ZNG1B: variants seen among roughly 807,000 people sequenced by gnomAD.
ZNG1B encodes Zn regulated GTPase metalloprotein activator 1B.
At chr2:113,464,829 T>G in the ZNG1B span, among the ~76,000 whole-genome samples, 32 of 151,990 alleles carry the variant, frequency 2.1e-4, no homozygotes, top group African/African-American at 7.2e-4. Context: ...TGAATGATTT[T>G]TTCTAAAGTG....
At chr2:113,474,200 C>T in the ZNG1B span, among the ~76,000 whole-genome samples, 76 of 152,226 alleles carry the variant, frequency 5.0e-4, no homozygotes, top group African/African-American at 1.8e-3. Flanking sequence ...TCAACTTCTT[C>T]CTTGTTTAGT....
chr2:113,486,306 GA>G, the ZNG1B span, among the ~76,000 whole-genome samples: 1 of 132,986 alleles, frequency 7.5e-6, no homozygotes, highest in Non-Finnish European at 1.6e-5. Context: ...ATTGGTGTAG[GA>G]AAACATCTGG....
chr2:113,461,775 T>A, the ZNG1B span, among the ~76,000 whole-genome samples: 2 of 152,026 alleles, frequency 1.3e-5, no homozygotes, highest in East Asian at 3.9e-4. Context: ...ATAGCTTATT[T>A]TTTTTAAGAA....
At chr2:113,454,551 A>G in the ZNG1B span, among the ~76,000 whole-genome samples, 1 of 149,872 alleles carries the variant, frequency 6.7e-6, no homozygotes, top group Non-Finnish European at 1.5e-5. Flanking sequence ...CACTCAGGAA[A>G]TGCATTGACT....
the ZNG1B span, chr2:113,462,690 A>G: frequency 1.6e-6 from 1 of 630,670 alleles, no homozygotes; most frequent in South Asian, 2.1e-5. Flanking sequence ...CAGTGCTTGC[A>G]GAATATAGTT....
the ZNG1B span, chr2:113,454,792 T>G: frequency 6.4e-7 from 1 of 1,568,510 alleles, no homozygotes; most frequent in Non-Finnish European, 8.8e-7. Context: ...AGTTGAAAGA[T>G]TGCTATGAGT....
the ZNG1B span, among the ~76,000 whole-genome samples, chr2:113,475,416 A>G: frequency 2.0e-5 from 3 of 150,986 alleles, no homozygotes; most frequent in Non-Finnish European, 4.4e-5. Context: ...TGAATACAGC[A>G]CACTGATGGG....
chr2:113,454,123 A>G, the ZNG1B span, among the ~76,000 whole-genome samples: 1 of 152,130 alleles, frequency 6.6e-6, no homozygotes, highest in Non-Finnish European at 1.5e-5. Flanking sequence ...GAGCTCTAAT[A>G]TATGTGGTGG....
chr2:113,483,245 C>A, the ZNG1B span, among the ~76,000 whole-genome samples: 2 of 150,992 alleles, frequency 1.3e-5, no homozygotes, highest in South Asian at 4.2e-4. Flanking sequence ...ACGCAGCGCT[C>A]ACTTTCCATG....
chr2:113,448,356 C>G, the ZNG1B span, among the ~76,000 whole-genome samples: 21 of 151,958 alleles, frequency 1.4e-4, 1 homozygote, highest in South Asian at 4.4e-3. Flanking sequence ...ATGCTGTAAA[C>G]AGATGTGCTG....
chr2:113,472,339 T>G, the ZNG1B span, among the ~76,000 whole-genome samples: 3 of 152,170 alleles, frequency 2.0e-5, no homozygotes, highest in South Asian at 6.2e-4. Context: ...TTGTTTGTTT[T>G]TTTTCTTGTA....
At chr2:113,453,885 G>T in the ZNG1B span, among the ~76,000 whole-genome samples, 5 of 151,464 alleles carry the variant, frequency 3.3e-5, no homozygotes, top group African/African-American at 1.2e-4. Flanking sequence ...ATTTTCTCTT[G>T]AAGATAAGAA....
chr2:113,438,047 A>G, the ZNG1B span: 8 of 1,611,636 alleles, frequency 5.0e-6, no homozygotes, highest in South Asian at 8.8e-5. Flanking sequence ...CAGTCACAAA[A>G]TGGCGTGACC....
chr2:113,451,908 A>G, the ZNG1B span, among the ~76,000 whole-genome samples: 1 of 152,016 alleles, frequency 6.6e-6, no homozygotes, highest in Non-Finnish European at 1.5e-5. Flanking sequence ...TTACTGAGTG[A>G]AAAAATTCAT....
chr2:113,451,548 C>CA, the ZNG1B span, among the ~76,000 whole-genome samples: 2 of 139,968 alleles, frequency 1.4e-5, no homozygotes, highest in Admixed American at 1.5e-4. Context: ...GGCTTCTACC[C>CA]ACTAGATGCC....
chr2:113,484,495 A>G, the ZNG1B span, among the ~76,000 whole-genome samples: 2 of 152,204 alleles, frequency 1.3e-5, no homozygotes, highest in East Asian at 1.9e-4. Context: ...TTGAGTTGCC[A>G]TATTTTGGGA....
At chr2:113,475,865 A>C in the ZNG1B span, among the ~76,000 whole-genome samples, 3 of 152,300 alleles carry the variant, frequency 2.0e-5, no homozygotes, top group East Asian at 5.8e-4. Flanking sequence ...ATCCGCTGTT[A>C]GTCTGATGGG....
At chr2:113,443,630 G>A in the ZNG1B span, 2 of 1,166,162 alleles carry the variant, frequency 1.7e-6, no homozygotes, top group Non-Finnish European at 2.4e-6. Context: ...TATCGAGGCT[G>A]CATGAATAAA....
the ZNG1B span, among the ~76,000 whole-genome samples, chr2:113,484,571 G>T: frequency 2.0e-5 from 3 of 152,212 alleles, no homozygotes; most frequent in African/African-American, 7.2e-5. Context: ...TTTTGGTTTT[G>T]GTTTATTTAT....
Sources: gnomAD v4.1 joint callset for allele counts (sites outside exome capture counted in the v4.1 genomes callset) on GRCh38, gnomAD v4.1.1 for gene constraint, MANE v1.5 for transcripts, NCBI Gene and HGNC (gene_info 2026-07-23, HGNC 2026-07-21) for gene names.